The following SNX24 variants were observed in gnomAD, a reference collection of about 807,000 sequenced individuals.
The protein encoded by SNX24 is sorting nexin 24, also known as sorting nexin-24.
SNX24 carries 22 observed loss-of-function variants against 28.7 expected under a neutral mutation model. The ratio of observed to expected loss-of-function variants is 0.77; its 90% CI spans 0.55 to 1.10. The LOEUF is 1.10. SNX24 is among the 50% of genes least tolerant of loss of function. The probability of loss-of-function intolerance (pLI) is 0.00; values close to 1 mark genes in which losing one functional copy is unlikely to be tolerated. For synonymous variants in SNX24, 69 were observed against 71.5 expected (o/e 0.96, Z 0.18); for missense variants, 221 against 201.1 (o/e 1.10, Z -0.60).
chr5:122,960,104 G>C (rs1459401653), intron 3 of SNX24, among the ~76,000 whole-genome samples: 2 of 152,156 alleles, frequency 1.3e-5, no homozygotes, highest in East Asian at 3.9e-4. Context: ...GCAGTAACTT[G>C]ATTTCCTTCC....
intron 1 of SNX24, among the ~76,000 whole-genome samples, chr5:122,852,095 TAC>T (rs570618679): frequency 1.3e-4 from 19 of 150,856 alleles, no homozygotes; most frequent in South Asian, 1.2e-3. Flanking sequence ...TATAAATATA[TAC>T]ACACACACAT....
Position 123,002,006 on chromosome 5 carries a change from T to C in SNX24, c.442+2T>C, listed in dbSNP as rs1762264736. On this transcript the variant is annotated splice_donor_variant, in intron 6 of 6. Transcript: ENST00000261369. LOFTEE classifies it high-confidence loss of function. ...CATATGTCTTGCCTGCAGCCAGCGG[T>C]AATCAAACCTGTCATCTGCTAACAG... 1 of 1,612,362 alleles carries C rather than the reference T, an allele frequency of 6.2e-7. No individual in the cohort carries two copies. The highest frequency in any genetic ancestry group is 8.5e-7 in the Non-Finnish European group (1 of 1,178,442).
intron 3 of SNX24, among the ~76,000 whole-genome samples, chr5:122,987,389 C>A (rs1198752135): frequency 6.6e-6 from 1 of 152,090 alleles, no homozygotes; most frequent in Non-Finnish European, 1.5e-5. Context: ...TTTAACAAGC[C>A]CTCTAGGCGA....
intron 3 of SNX24, among the ~76,000 whole-genome samples, chr5:122,964,848 T>C (rs537093690): frequency 2.6e-5 from 4 of 152,272 alleles, no homozygotes; most frequent in Non-Finnish European, 5.9e-5. Flanking sequence ...GGTAATAGGA[T>C]TCTTTTGTAA....
rs149277707 is a variant in SNX24 at position 122,994,838 on chromosome 5, A to G, written c.250-5074A>G. Among the ~76,000 whole-genome samples, 7 of 152,342 alleles carry G rather than the reference A, an allele frequency of 4.6e-5. No individual in the cohort carries two copies. In the South Asian group the frequency reaches 8.3e-4, roughly 18 times the overall value. ...ATTTATTCTTACAAGAGTGAGTAAC[A>G]TTGTGTAAAGAAAAATAATTTTTTT... On this transcript the variant is annotated intron_variant, in intron 3 of 6. Transcript: ENST00000261369.
chr5:122,932,435 T>TA (rs1266062499), intron 1 of SNX24, among the ~76,000 whole-genome samples: 5 of 152,146 alleles, frequency 3.3e-5, no homozygotes, highest in African/African-American at 1.2e-4. Context: ...CCCAGGAGTT[T>TA]GAGTCCAGCT....
At chr5:122,867,726 C>A (rs1755784706) in intron 1 of SNX24, among the ~76,000 whole-genome samples, 1 of 152,194 alleles carries the variant, frequency 6.6e-6, no homozygotes, top group Non-Finnish European at 1.5e-5. Context: ...TTAAAATCCT[C>A]CTCTGCTGAG....
chr5:123,023,689 T>G, intron 5 of SNX24: 1 of 907,252 alleles, frequency 1.1e-6, no homozygotes. Flanking sequence ...AGCAGGTGGT[T>G]TACTAAAGTT....
intron 5 of SNX24, chr5:123,028,946 A>T: frequency 8.1e-7 from 1 of 1,237,050 alleles, no homozygotes. Context: ...TCTAGAAAGG[A>T]CAAACTGAGA....
At chr5:122,999,478 ATG>A (rs1762168159) in intron 3 of SNX24, among the ~76,000 whole-genome samples, 1 of 142,432 alleles carries the variant, frequency 7.0e-6, no homozygotes, top group Admixed American at 6.8e-5. Flanking sequence ...ACACACACAC[ATG>A]TATACATAAT....
At chr5:123,025,939 C>T in intron 5 of SNX24, 1 of 1,607,636 alleles carries the variant, frequency 6.2e-7, no homozygotes, top group Admixed American at 1.7e-5. Flanking sequence ...AAGTTCTCAT[C>T]TGGAAATGTC....
chr5:122,853,617 CT>C (rs1755038932), intron 1 of SNX24: 62 of 330,666 alleles, frequency 1.9e-4, no homozygotes, highest in Middle Eastern at 9.6e-4. Flanking sequence ...TATGTTTTAA[CT>C]TTTTTTTAGA....
intron 1 of SNX24, among the ~76,000 whole-genome samples, chr5:122,914,599 T>G (rs1314346750): frequency 2.1e-4 from 31 of 151,022 alleles, no homozygotes; most frequent in Non-Finnish European, 2.5e-4. Context: ...ATTCAGAGAT[T>G]CAACTTCTTC....
chr5:122,964,954 TCTC>T (rs1241275568), intron 3 of SNX24, among the ~76,000 whole-genome samples: 3 of 152,190 alleles, frequency 2.0e-5, no homozygotes, highest in African/African-American at 4.8e-5. Context: ...TGTTTCTAGT[TCTC>T]CTAGAATTTT....
chr5:122,857,008 A>C (rs1307875222), intron 1 of SNX24, among the ~76,000 whole-genome samples: 1 of 148,824 alleles, frequency 6.7e-6, no homozygotes, highest in Admixed American at 6.7e-5. Context: ...TTTGATTTGC[A>C]TTTTTCTTTC....
chr5:123,010,032 G>T (rs407230), downstream of SNX24, among the ~76,000 whole-genome samples: 1 of 152,054 alleles, frequency 6.6e-6, no homozygotes, highest in Non-Finnish European at 1.5e-5. Flanking sequence ...TATGAGGTGC[G>T]GCCTCATAGC....
intron 3 of SNX24, among the ~76,000 whole-genome samples, chr5:122,977,970 G>C (rs1405678163): frequency 1.3e-5 from 2 of 152,130 alleles, no homozygotes; most frequent in Non-Finnish European, 2.9e-5. Context: ...AATAGTCTTT[G>C]ATGTGAAATG....
At chr5:122,846,289 A>G (rs999372980) in intron 1 of SNX24, among the ~76,000 whole-genome samples, 3 of 152,070 alleles carry the variant, frequency 2.0e-5, no homozygotes, top group Non-Finnish European at 4.4e-5. Flanking sequence ...AGTGTGAAAC[A>G]GGACCCCTGC....
At chr5:122,961,851 A>C in intron 3 of SNX24, among the ~76,000 whole-genome samples, 1 of 152,186 alleles carries the variant, frequency 6.6e-6, no homozygotes, top group East Asian at 1.9e-4. Context: ...CATACAGAAA[A>C]ACCCTAACTA....
Sources: allele counts gnomAD v4.1 joint callset (sites outside exome capture counted in the v4.1 genomes callset), GRCh38; gene constraint gnomAD v4.1.1; transcripts MANE v1.5; gene names NCBI Gene and HGNC (gene_info 2026-07-23, HGNC 2026-07-21).